The following ZNF831 variants were observed in gnomAD, a reference collection of about 807,000 sequenced individuals.
ZNF831 encodes the protein chromosome 20 open reading frame 174.
In ZNF831, 59 loss-of-function variants were observed where a neutral mutation model predicts 95.8. The observed-to-expected ratio is 0.62, with a 90% confidence interval of 0.50 to 0.77. The LOEUF is 0.77. ZNF831 is among the 30% of genes least tolerant of loss of function. ZNF831 has a pLI of 0.00. For synonymous variants in ZNF831, 961 were observed against 925.5 expected, an observed-to-expected ratio of 1.04 and a Z score of -0.70; for missense variants, 2,205 against 2,164.0, an observed-to-expected ratio of 1.02 and a Z score of -0.38.
chr20:59,198,363 C>T (rs1246280446), intron 3 of ZNF831, among the ~76,000 whole-genome samples: 1 of 152,256 alleles, frequency 6.6e-6, no homozygotes, highest in African/African-American at 2.4e-5. Context: ...GCTCTGAAGA[C>T]ACTGGGCCTG....
Position 59,191,519 on chromosome 20 carries a change from C to A in ZNF831, c.500C>A (p.Thr167Lys). The A allele has an allele frequency of 6.2e-7, 1 of 1,613,154 alleles. No individual in the cohort carries two copies. Among genetic ancestry groups the A allele is most frequent in the Non-Finnish European group, 8.5e-7 (1 of 1,180,006 alleles). ...CTAGAGAAGCACATCCGGTCCCACACGGGTGAGAGGCCCTTCCCGTGTGCC... is the reference window on the plus strand; with the variant it reads ...CTAGAGAAGCACATCCGGTCCCACAAGGGTGAGAGGCCCTTCCCGTGTGCC... The part of the protein sequence containing the change: ...SVLEKHIRSH[T>K]GERPFPCATC... The change falls in exon 2 of 6, where the codon ACG (threonine) becomes AAG (lysine). Residue 167 changes from threonine to lysine, a missense_variant. Thr to Lys is a moderately conservative substitution (Grantham distance 78). Transcript: ENST00000371030.
rs1988128449 is a variant in ZNF831, at chr20:59,255,391, T to A, written c.*648T>A. The A allele has an allele frequency of 6.6e-6, 1 of 152,440 alleles. No homozygotes were observed. The highest frequency in any genetic ancestry group is 2.1e-4 in the South Asian group (1 of 4,846). The allele number at this position is 152,440 out of a possible 1,614,324, so 9.4% of individuals were successfully genotyped here. ...TGCCTATGATCCGGTGACATGCTGA[T>A]TACTTTTAAATGTTGCACAAATGGT... On this transcript the variant is annotated 3_prime_UTR_variant, in exon 6 of 6. Coordinates refer to ENST00000371030, the MANE Select transcript of ZNF831 (RefSeq NM_178457.3).
In ZNF831 at chr20:59,226,618, A is replaced by G. The variant is rs573884434; in HGVS notation, c.4027+19562A>G. Among the ~76,000 whole-genome samples, 9 of 151,572 alleles carry G rather than the reference A, an allele frequency of 5.9e-5. No homozygotes were observed. In the South Asian group the frequency reaches 1.9e-3, roughly 32 times the overall value. On this transcript the variant is annotated intron_variant, in intron 4 of 5. Coordinates refer to ENST00000371030, the MANE Select transcript of ZNF831 (RefSeq NM_178457.3). ...GCCAACCCGAAATATATAAAGATGT[A>G]GAAGAAAAAGGCAAATTTCTACTGT...
At chr20:59,205,165 A>G (rs1984801552) in intron 3 of ZNF831, among the ~76,000 whole-genome samples, 1 of 152,136 alleles carries the variant, frequency 6.6e-6, no homozygotes, top group African/African-American at 2.4e-5. Context: ...GCAGCCACCC[A>G]CTGACTTGCG....
At chr20:59,241,455 T>C (rs1379148175) in intron 4 of ZNF831, among the ~76,000 whole-genome samples, 2 of 152,166 alleles carry the variant, frequency 1.3e-5, no homozygotes, top group African/African-American at 4.8e-5. Context: ...AGAAGCCAAG[T>C]TGAAAGTATT....
chr20:59,202,862 C>G (rs1984629729), intron 3 of ZNF831, among the ~76,000 whole-genome samples: 1 of 152,170 alleles, frequency 6.6e-6, no homozygotes, highest in Non-Finnish European at 1.5e-5. Context: ...TGCCTTTGAA[C>G]TATTTCTTAT....
At chr20:59,223,145 G>A (rs879346675) in intron 4 of ZNF831, among the ~76,000 whole-genome samples, 17 of 152,222 alleles carry the variant, frequency 1.1e-4, no homozygotes, top group Admixed American at 1.1e-3. Context: ...GAGGTCAGAG[G>A]GGGGACATTA....
rs1983699330 is a variant in ZNF831 at position 59,192,715 on chromosome 20, G to A, written c.1696G>A (p.Ala566Thr). The change falls in exon 2 of 6, where the codon GCG (alanine) becomes ACG (threonine). Residue 566 changes from alanine to threonine, a missense_variant. Physicochemically the swap from Ala to Thr is moderately conservative, Grantham distance 58. Transcript: ENST00000371030. This position sits in a 1 kb window ranked among gnomAD's most constrained non-coding sequence, Gnocchi z 5.2. Reference sequence around the variant, plus strand: ...TCCCCGGGCCCTGGTCAGACAGGCCGCGGTGGAGGACCTGCCAGGCACCCC... The same window carrying A: ...TCCCCGGGCCCTGGTCAGACAGGCCACGGTGGAGGACCTGCCAGGCACCCC... ...GHPRALVRQA[A>T]VEDLPGTPIG... The A allele has an allele frequency of 3.1e-6, 5 of 1,603,290 alleles. No individual in the cohort carries two copies. The South Asian group carries it at 3.3e-5, about 11-fold the overall frequency.
intron 2 of ZNF831, 188 bp from the exon 3 acceptor site, chr20:59,195,681 G>A (rs1047001877): frequency 1.7e-5 from 14 of 805,604 alleles, no homozygotes; most frequent in Non-Finnish European, 2.1e-5. Flanking sequence ...GGTTTCAGGA[G>A]GTTCTGTCCA....
chr20:59,256,339 G>T lies in ZNF831; in HGVS notation c.*1596G>T, dbSNP rs745524630. ...ACTCATAAATATCCAAGGATTTCAGGCCCAGCCAAGAAAAACATAAGAAGG... is the reference window on the plus strand; with the variant it reads ...ACTCATAAATATCCAAGGATTTCAGTCCCAGCCAAGAAAAACATAAGAAGG... On this transcript the variant is annotated 3_prime_UTR_variant, in exon 6 of 6. Transcript: ENST00000371030. 3 of 152,180 alleles carry T rather than the reference G, an allele frequency of 2.0e-5. No homozygotes were observed. Among genetic ancestry groups the T allele is most frequent in the Non-Finnish European group, 2.9e-5 (2 of 68,020 alleles). 9.4% of individuals were successfully genotyped at this position (152,180 alleles called of 1,614,324 possible).
At chr20:59,207,476 T>C (rs1309676871) in intron 4 of ZNF831, among the ~76,000 whole-genome samples, 1 of 152,180 alleles carries the variant, frequency 6.6e-6, no homozygotes, top group Non-Finnish European at 1.5e-5. Context: ...TAAGAGCCCA[T>C]GTGAAATAGA....
Position 59,196,583 on chromosome 20 carries a change from T to C in ZNF831, c.3875+578T>C, listed in dbSNP as rs150740893. On this transcript the variant is annotated intron_variant, in intron 3 of 5. Coordinates refer to ENST00000371030, the MANE Select transcript of ZNF831 (RefSeq NM_178457.3). ...GCTTAAAACCCTTCAGGCTGCCCGTTGCATACAAGTTGAAAAGCGAATTCT... is the reference window on the plus strand; with the variant it reads ...GCTTAAAACCCTTCAGGCTGCCCGTCGCATACAAGTTGAAAAGCGAATTCT... Among the ~76,000 whole-genome samples, 273 of 152,312 alleles carry C rather than the reference T, an allele frequency of 1.8e-3. 1 individual carries two copies. The highest frequency in any genetic ancestry group is 6.0e-3 in the African/African-American group (250 of 41,552).
At chr20:59,190,889 G>C (rs575904880) in intron 1 of ZNF831, 95 bp from the exon 2 acceptor site, 3 of 1,106,414 alleles carry the variant, frequency 2.7e-6, no homozygotes, top group South Asian at 5.0e-5. Context: ...TCAGGCTTCC[G>C]TTGGGTGATG....
intron 1 of ZNF831, among the ~76,000 whole-genome samples, chr20:59,182,560 A>C (rs767478338): frequency 2.0e-5 from 3 of 151,888 alleles, no homozygotes; most frequent in Non-Finnish European, 2.9e-5. Context: ...CTCTTGCCAA[A>C]GCCAACCTGA....
At chr20:59,228,176 A>G (rs1000177126) in intron 4 of ZNF831, among the ~76,000 whole-genome samples, 1 of 152,164 alleles carries the variant, frequency 6.6e-6, no homozygotes, top group Non-Finnish European at 1.5e-5. Flanking sequence ...GTTGTGTAGC[A>G]AACCACGCTA....
intron 1 of ZNF831, among the ~76,000 whole-genome samples, chr20:59,168,455 G>GTTTTTTTTTTTTTTTTTTTTTTTT (rs71183161): frequency 8.8e-6 from 1 of 113,854 alleles, no homozygotes; most frequent in Non-Finnish European, 1.7e-5. Flanking sequence ...GTGCGAGGAG[G>GTTTTTTTTTTTTTTTTTTTTTTTT]TTTTTTTTTT....
upstream of ZNF831, among the ~76,000 whole-genome samples, chr20:59,159,245 G>A (rs1407722425): frequency 2.2e-4 from 33 of 151,854 alleles, no homozygotes; most frequent in Admixed American, 2.2e-3. Flanking sequence ...AGTCCTGGTG[G>A]GGCTGAGATA....
At chr20:59,231,054 C>T (rs375307644) in intron 4 of ZNF831, among the ~76,000 whole-genome samples, 7 of 152,200 alleles carry the variant, frequency 4.6e-5, no homozygotes, top group Admixed American at 2.0e-4. Flanking sequence ...GCCATTAGAT[C>T]GGCATTCCAG....
chr20:59,199,741 G>A (rs1240387036), intron 3 of ZNF831, among the ~76,000 whole-genome samples: 1 of 152,090 alleles, frequency 6.6e-6, no homozygotes, highest in Non-Finnish European at 1.5e-5. Flanking sequence ...CTGCAAATAT[G>A]TTTCCAAGTC....
Sources: gnomAD v4.1 joint callset for allele counts (sites outside exome capture counted in the v4.1 genomes callset) on GRCh38, gnomAD v4.1.1 for gene constraint, Gnocchi (gnomAD v3.1) non-coding constraint, MANE v1.5 for transcripts, NCBI Gene and HGNC (gene_info 2026-07-23, HGNC 2026-07-21) for gene names.